Variants in KIF16B observed in about 807,000 individuals in gnomAD.
The protein encoded by KIF16B is kinesin family member 16B.
In KIF16B, 98 loss-of-function variants were observed where a neutral mutation model predicts 156.3. The observed-to-expected ratio is 0.63, with a 90% CI of 0.53 to 0.74. The LOEUF (loss-of-function observed/expected upper bound fraction) is 0.74. Among genes scored for constraint, KIF16B ranks in the 30% least tolerant of loss-of-function variants. The pLI, the probability that KIF16B is intolerant of heterozygous loss-of-function variation, is 0.00. For missense variants in KIF16B, 1,421 were observed against 1,606.5 expected, an observed-to-expected ratio of 0.88 and a Z score of 1.97; for synonymous variants, 564 against 583.7, an observed-to-expected ratio of 0.97 and a Z score of 0.49.
chr20:16,540,419 C>T (rs1269670986), intron 1 of KIF16B, among the ~76,000 whole-genome samples: 1 of 152,146 alleles, frequency 6.6e-6, no homozygotes, highest in African/African-American at 2.4e-5. Context: ...AATTAAAAGA[C>T]AAAAAGTCCC....
At chr20:16,350,785 G>C (rs1466837086) in intron 23 of KIF16B, among the ~76,000 whole-genome samples, 1 of 151,580 alleles carries the variant, frequency 6.6e-6, no homozygotes, top group Admixed American at 6.6e-5. Flanking sequence ...TCACCGAAGC[G>C]CCAGACAGGC....
chr20:16,431,948 T>G lies in KIF16B; in HGVS notation c.1303-1966A>C, dbSNP rs1184664489. Among the ~76,000 whole-genome samples, 6 of 93,888 alleles carry G rather than the reference T, an allele frequency of 6.4e-5. No individual in the cohort carries two copies. The East Asian group carries it at 2.0e-3, about 31-fold the overall frequency. The allele number at this position is 93,888 out of a possible 152,430, so 61.6% of individuals were successfully genotyped here. ...CACACACACACACACACGCACAAGT[T>G]TATTACCTGTCCTCTGGCTAGAATG... On this transcript the variant is annotated intron_variant, in intron 12 of 25. Coordinates refer to ENST00000354981, the MANE Select transcript of KIF16B (RefSeq NM_024704.5).
Position 16,504,360 on chromosome 20 carries a change from G to GA in KIF16B, c.1176+11dup. ...CAAAGAAAATTATCCATAAATCTCA[G>GA]AAAAACCCAACCTGATTCCCTTGAG... On this transcript the variant is annotated intron_variant, in intron 10 of 25. Coordinates refer to ENST00000354981, the MANE Select transcript of KIF16B (RefSeq NM_024704.5). 1 of 1,612,086 alleles carries GA rather than the reference G, an allele frequency of 6.2e-7. No homozygotes were observed. Among genetic ancestry groups the GA allele is most frequent in the Non-Finnish European group, 8.5e-7 (1 of 1,178,742 alleles).
chr20:16,467,344 C>T (rs557873914), intron 12 of KIF16B, among the ~76,000 whole-genome samples: 14 of 152,292 alleles, frequency 9.2e-5, no homozygotes, highest in Non-Finnish European at 1.5e-4. Flanking sequence ...TTTACCACAG[C>T]TCCTCTTACC....
chr20:16,364,505 G>A (rs1227890699), intron 22 of KIF16B, among the ~76,000 whole-genome samples: 1 of 152,212 alleles, frequency 6.6e-6, no homozygotes, highest in Non-Finnish European at 1.5e-5. Flanking sequence ...CTCTAGGGGT[G>A]CTGTAGGCTT....
rs1329524843 is a variant in KIF16B at position 16,359,649 on chromosome 20, C to A, written c.3499-3197G>T. On this transcript the variant is annotated intron_variant, in intron 22 of 25. Transcript: ENST00000354981. ...TGCTTGAGGCTCAGGATCATAGATT[C>A]TTTACAAAAAAAAAAAAAAAAAAAA... Among the ~76,000 whole-genome samples the A allele has an allele frequency of 7.3e-4, 55 of 75,682 alleles. No individual in the cohort carries two copies. The South Asian group carries it at 0.019, about 27-fold the overall frequency. The allele number at this position is 75,682 out of a possible 152,430, so 49.7% of individuals were successfully genotyped here.
At chr20:16,501,331 GGTTCAATACCAAGAATTGAATTCT>G in intron 10 of KIF16B, among the ~76,000 whole-genome samples, 1 of 82,232 alleles carries the variant, frequency 1.2e-5, no homozygotes, top group Middle Eastern at 8.5e-3. Context: ...TTGAATTCTT[GGTTCAATACCAAGAATTGAATTCT>G]TGGTTCAATA....
At chr20:16,359,535 A>G (rs1220944066) in intron 22 of KIF16B, among the ~76,000 whole-genome samples, 1 of 152,054 alleles carries the variant, frequency 6.6e-6, no homozygotes, top group East Asian at 1.9e-4. Context: ...GGGTATTTAT[A>G]GCAAGGCAAG....
At position 16,419,309 on chromosome 20, in the gene KIF16B, G is replaced by C. The variant is rs578065796; in HGVS notation, c.1612+7795C>G. ...GGTCAAGTGCAGGTGAGTCAGTGAA[G>C]GAACAGACACTGATACCTGCTGACA... On this transcript the variant is annotated intron_variant, in intron 15 of 25. Coordinates refer to ENST00000354981, the MANE Select transcript of KIF16B (RefSeq NM_024704.5). Among the ~76,000 whole-genome samples the C allele has an allele frequency of 1.2e-3, 186 of 152,222 alleles. 1 individual carries two copies. Among genetic ancestry groups the C allele is most frequent in the Non-Finnish European group, 2.0e-3 (134 of 67,990 alleles).
chr20:16,325,042 A>G (rs1030565594), intron 24 of KIF16B, among the ~76,000 whole-genome samples: 3 of 152,090 alleles, frequency 2.0e-5, no homozygotes, highest in Non-Finnish European at 4.4e-5. Context: ...CAGGATTGAA[A>G]ACAAAAATCC....
chr20:16,539,577 T>C (rs936288028), intron 1 of KIF16B, among the ~76,000 whole-genome samples: 8 of 151,996 alleles, frequency 5.3e-5, no homozygotes, highest in African/African-American at 1.9e-4. Flanking sequence ...TCTCATTCTT[T>C]CCATGTGATG....
intron 12 of KIF16B, among the ~76,000 whole-genome samples, chr20:16,484,381 C>T (rs1313490203): frequency 6.6e-6 from 1 of 152,204 alleles, no homozygotes; most frequent in African/African-American, 2.4e-5. Flanking sequence ...TCATCTCCCC[C>T]TGTTAATTAT....
chr20:16,499,224 G>C (rs2068546116), intron 10 of KIF16B, among the ~76,000 whole-genome samples: 1 of 152,110 alleles, frequency 6.6e-6, no homozygotes, highest in Non-Finnish European at 1.5e-5. Context: ...CATCCTCCAG[G>C]GGCCCCACAA....
chr20:16,569,536 A>G (rs1568701646), intron 1 of KIF16B, among the ~76,000 whole-genome samples: 1 of 152,206 alleles, frequency 6.6e-6, no homozygotes, highest in African/African-American at 2.4e-5. Context: ...CATATTCCTT[A>G]CAAGGCTGAC....
At chr20:16,465,745 T>G (rs1251357565) in intron 12 of KIF16B, among the ~76,000 whole-genome samples, 5 of 151,898 alleles carry the variant, frequency 3.3e-5, no homozygotes, top group Non-Finnish European at 7.4e-5. Flanking sequence ...CTGAAGAAAG[T>G]AGTTCTATCT....
intron 25 of KIF16B, among the ~76,000 whole-genome samples, chr20:16,303,606 G>A (rs760929359): frequency 6.6e-6 from 1 of 152,094 alleles, no homozygotes; most frequent in Non-Finnish European, 1.5e-5. Context: ...TGTTCAACAC[G>A]GTTTTAACTG....
At chr20:16,327,741 A>G (rs1224916216) in intron 24 of KIF16B, among the ~76,000 whole-genome samples, 1 of 152,200 alleles carries the variant, frequency 6.6e-6, no homozygotes, top group Non-Finnish European at 1.5e-5. Context: ...GAAACCACAC[A>G]GTGAACTACC....
chr20:16,391,097 G>C (rs1200013763), intron 17 of KIF16B, among the ~76,000 whole-genome samples: 2 of 152,008 alleles, frequency 1.3e-5, no homozygotes, highest in Admixed American at 1.3e-4. Context: ...TAGTGTGGGT[G>C]GGGGAAGATC....
chr20:16,465,842 T>C (rs1385774154), intron 12 of KIF16B, among the ~76,000 whole-genome samples: 1 of 152,192 alleles, frequency 6.6e-6, no homozygotes, highest in East Asian at 1.9e-4. Context: ...TTTCTTCTCT[T>C]TTCTTCCTGA....
Sources: gnomAD v4.1 joint callset for allele counts (sites outside exome capture counted in the v4.1 genomes callset) on GRCh38, gnomAD v4.1.1 for gene constraint, MANE v1.5 for transcripts, NCBI Gene and HGNC (gene_info 2026-07-23, HGNC 2026-07-21) for gene names.